The following CACNA2D4 variants were observed in gnomAD, a reference collection of about 807,000 sequenced individuals.
CACNA2D4 encodes the protein calcium voltage-gated channel auxiliary subunit alpha2delta 4, also known as voltage-dependent calcium channel subunit alpha-2/delta-4.
Under a neutral mutation model 163.8 loss-of-function variants are expected in CACNA2D4, and 157 were observed. The observed-to-expected ratio is 0.96, with a 90% confidence interval of 0.84 to 1.09. The LOEUF (loss-of-function observed/expected upper bound fraction) is 1.09. CACNA2D4 is among the 50% of genes least tolerant of loss of function. CACNA2D4 has a pLI of 0.00. For synonymous variants in CACNA2D4, 598 were observed against 586.9 expected, an observed-to-expected ratio of 1.02 and a Z score of -0.27; for missense variants, 1,410 against 1,479.9, an observed-to-expected ratio of 0.95 and a Z score of 0.78.
intron 37 of CACNA2D4, 86 bp downstream of exon 37, chr12:1,795,213 T>C: frequency 8.1e-7 from 1 of 1,234,672 alleles, no homozygotes. Flanking sequence ...CATCCCTATA[T>C]GCTCCTGTCT....
At position 1,907,954 on chromosome 12, in the gene CACNA2D4, C is replaced by G; in HGVS notation, c.570G>C (p.Glu190Asp). 1 of 1,614,068 alleles carries G rather than the reference C, an allele frequency of 6.2e-7. No homozygotes were observed. The highest frequency in any genetic ancestry group is 8.5e-7 in the Non-Finnish European group (1 of 1,179,896). ...GCAGGTTGCTGAAGTGAGCATTGGACTCCAGGAGGAACTCGGCGCCCAGCT... is the reference window on the plus strand; with the variant it reads ...GCAGGTTGCTGAAGTGAGCATTGGAGTCCAGGAGGAACTCGGCGCCCAGCT... Reference protein sequence around the residue: ...FVELGAEFLLESNAHFSNLPV... With the variant: ...FVELGAEFLLDSNAHFSNLPV... The change falls in exon 5 of 38, where the codon GAG becomes GAC. Residue 190 changes from glutamate to aspartate, a missense_variant. Glu to Asp is a conservative substitution (Grantham distance 45, BLOSUM62 2). Coordinates refer to ENST00000382722, the MANE Select transcript of CACNA2D4 (RefSeq NM_172364.5).
chr12:1,828,503 T>C lies in CACNA2D4; in HGVS notation c.2551+12236A>G, dbSNP rs559349626. 6.6e-6 allele frequency among the ~76,000 whole-genome samples: 1 copy of C among 152,206 alleles called. No individual in the cohort carries two copies. Among genetic ancestry groups the C allele is most frequent in the Admixed American group, 6.5e-5 (1 of 15,300 alleles). ...GTAAGTCTCTGTGAGCTTGCTGGGG[T>C]CCCCAACAGGAGAAGAGCTCTGCTG... On this transcript the variant is annotated intron_variant, in intron 26 of 37. Transcript: ENST00000382722. The surrounding 1 kb of genome is among the most constrained non-coding windows in gnomAD (Gnocchi z 4.2).
intron 28 of CACNA2D4, 101 bp from the exon 29 acceptor site, chr12:1,810,441 C>A: frequency 1.3e-6 from 2 of 1,524,314 alleles, no homozygotes; most frequent in East Asian, 4.7e-5. Flanking sequence ...AGCTTCACTG[C>A]AGGGAAGGAG....
At chr12:1,900,932 A>T (rs999767382) in intron 6 of CACNA2D4, among the ~76,000 whole-genome samples, 2 of 152,238 alleles carry the variant, frequency 1.3e-5, no homozygotes, top group Admixed American at 6.5e-5. Flanking sequence ...ATTCTCAAGG[A>T]TAGAGTACAT....
intron 29 of CACNA2D4, among the ~76,000 whole-genome samples, chr12:1,807,620 C>T (rs1199105626): frequency 6.6e-6 from 1 of 152,144 alleles, no homozygotes; most frequent in Non-Finnish European, 1.5e-5. Flanking sequence ...CAGTCTAGCG[C>T]CTGCTGCCTC....
rs1359840794 is a variant in CACNA2D4 at position 1,802,614 on chromosome 12, A to G, written c.2722-970T>C. Reference sequence around the variant, plus strand: ...GCTTTGGTGTTGGATTTCGACTTTAATGTAGGCTGTCTTTAAAAATTGGGG... The same window carrying G: ...GCTTTGGTGTTGGATTTCGACTTTAGTGTAGGCTGTCTTTAAAAATTGGGG... On this transcript the variant is annotated intron_variant, in intron 29 of 37. Coordinates refer to ENST00000382722, the MANE Select transcript of CACNA2D4 (RefSeq NM_172364.5). This position sits in a 1 kb window ranked among gnomAD's most constrained non-coding sequence, Gnocchi z 4.7. Among the ~76,000 whole-genome samples, 1 of 152,166 alleles carries G rather than the reference A, an allele frequency of 6.6e-6. No individual in the cohort carries two copies. The highest frequency in any genetic ancestry group is 1.5e-5 in the Non-Finnish European group (1 of 68,024).
Position 1,907,836 on chromosome 12 carries a change from G to A in CACNA2D4, c.649+39C>T, listed in dbSNP as rs779447051. The A allele has an allele frequency of 5.0e-6, 8 of 1,609,846 alleles. No homozygotes were observed. The South Asian group carries it at 6.6e-5, about 13-fold the overall frequency. ...TGTCTGGTGGGTGTGCTAGGTGGGCGTGCCTGGTGAGTGTGCCTGAGCTGA... is the reference window on the plus strand; with the variant it reads ...TGTCTGGTGGGTGTGCTAGGTGGGCATGCCTGGTGAGTGTGCCTGAGCTGA... On this transcript the variant is annotated intron_variant, in intron 5 of 37. Transcript: ENST00000382722.
At chr12:1,821,474 A>T (rs768837329) in intron 26 of CACNA2D4, among the ~76,000 whole-genome samples, 1 of 152,186 alleles carries the variant, frequency 6.6e-6, no homozygotes, top group Non-Finnish European at 1.5e-5. Flanking sequence ...AGAGAGAAGT[A>T]TCGCAGCCCT....
chr12:1,848,587 G>C (rs1865204910), intron 23 of CACNA2D4, among the ~76,000 whole-genome samples: 1 of 152,142 alleles, frequency 6.6e-6, no homozygotes, highest in South Asian at 2.1e-4. Flanking sequence ...TTATCCTGAA[G>C]TACAACTTTT....
At chr12:1,879,668 A>G (rs755059607) in intron 14 of CACNA2D4, 136 bp downstream of exon 14, 4 of 711,532 alleles carry the variant, frequency 5.6e-6, no homozygotes, top group Non-Finnish European at 1.0e-5. Context: ...ACTCTGGGAC[A>G]GGCCTGGAAA....
In CACNA2D4 at chr12:1,829,174, C is replaced by T. The variant is rs2370056; in HGVS notation, c.2551+11565G>A. 1.3e-5 allele frequency among the ~76,000 whole-genome samples: 2 copies of T among 152,278 alleles called. No individual in the cohort carries two copies. Among genetic ancestry groups the T allele is most frequent in the South Asian group, 2.1e-4 (1 of 4,832 alleles). On this transcript the variant is annotated intron_variant, in intron 26 of 37. Transcript: ENST00000382722. The surrounding 1 kb of genome is among the most constrained non-coding windows in gnomAD (Gnocchi z 4.2). ...CCTTGATCTCCAGGGAGGTGGGGGG[C>T]GCAGGGAGTCGCTCTTCCGCAGCGG...
Position 1,859,610 on chromosome 12 carries a change from CACA to C in CACNA2D4, c.1940+532_1940+534del, listed in dbSNP as rs1382585196. ...TAACTGGATGATATCACTTAATCTT[CACA>C]ACATCACCAAAAAGCAGCAGTTATT... On this transcript the variant is annotated intron_variant, in intron 19 of 37. Coordinates refer to ENST00000382722, the MANE Select transcript of CACNA2D4 (RefSeq NM_172364.5). Among the ~76,000 whole-genome samples the C allele has an allele frequency of 4.6e-5, 7 of 152,224 alleles. No homozygotes were observed. In the South Asian group the frequency reaches 6.2e-4, roughly 14 times the overall value.
intron 18 of CACNA2D4, among the ~76,000 whole-genome samples, chr12:1,871,141 T>A (rs1446481730): frequency 8.1e-6 from 1 of 123,126 alleles, no homozygotes; most frequent in Non-Finnish European, 1.8e-5. Context: ...GTGTTGCTGG[T>A]GTGTGTGTAC....
Position 1,875,125 on chromosome 12 carries a change from C to A in CACNA2D4, c.1806+126G>T. On this transcript the variant is annotated intron_variant, in intron 17 of 37. Transcript: ENST00000382722. This position sits in a 1 kb window ranked among gnomAD's most constrained non-coding sequence, Gnocchi z 4.0. The stretch of plus-strand genomic sequence containing the variant: ...TGCTTGTGGCTTGAGCTTGGAAAGG[C>A]TCTGGGATGAACCTGTTCTGCCTGA... 1.5e-6 allele frequency: 1 copy of A among 689,212 alleles called. No homozygotes were observed. The allele number at this position is 689,212 out of a possible 1,614,324, so 42.7% of individuals were successfully genotyped here.
chr12:1,851,495 G>A (rs1354235827), intron 23 of CACNA2D4, among the ~76,000 whole-genome samples: 1 of 152,140 alleles, frequency 6.6e-6, no homozygotes, highest in Non-Finnish European at 1.5e-5. Context: ...ATTTTCACAT[G>A]CATTTAGATG....
chr12:1,873,296 G>A (rs183990848), intron 18 of CACNA2D4, among the ~76,000 whole-genome samples: 1 of 152,294 alleles, frequency 6.6e-6, no homozygotes. Flanking sequence ...ATATCAGGAA[G>A]CCTTTGCGAA....
Position 1,801,035 on chromosome 12 carries a change from ACACT to A in CACNA2D4, c.2868+4_2868+7del, listed in dbSNP as rs760300917. ...GGCTGGCAGAGGGAAGGGCTGGGTG[ACACT>A]CACGCTGACCAGGGGCTGGGCTGCA... On this transcript the variant is annotated splice_donor_5th_base_variant and intron_variant, in intron 31 of 37. Transcript: ENST00000382722. 28 of 1,612,376 alleles carry A rather than the reference ACACT, an allele frequency of 1.7e-5. No homozygotes were observed. Among genetic ancestry groups the A allele is most frequent in the South Asian group, 1.2e-4 (11 of 91,024 alleles).
At position 1,793,538 on chromosome 12, in the gene CACNA2D4, G is replaced by T; in HGVS notation, c.*117C>A. ...AGGGGCCACCAGCCCAGGATTGAGA[G>T]GAGCGTTGGCCTGGGGGCGACCCAA... On this transcript the variant is annotated 3_prime_UTR_variant, in exon 38 of 38. Coordinates refer to ENST00000382722, the MANE Select transcript of CACNA2D4 (RefSeq NM_172364.5). 2 of 830,604 alleles carry T rather than the reference G, an allele frequency of 2.4e-6. No individual in the cohort carries two copies. The highest frequency in any genetic ancestry group is 4.1e-6 in the Non-Finnish European group (2 of 489,818). The allele number at this position is 830,604 out of a possible 1,614,324, so 51.5% of individuals were successfully genotyped here. A position where few individuals can be genotyped will look rare whatever the true frequency, so the allele number is the denominator to read the frequency against.
In CACNA2D4 at chr12:1,793,746, T is replaced by G. The variant is rs201175802; in HGVS notation, c.3323A>C (p.Asp1108Ala). Residue 1108 changes from aspartate (D) to alanine (A), a missense_variant, in exon 38 of 38, where the codon GAC becomes GCC. Coordinates refer to ENST00000382722, the MANE Select transcript of CACNA2D4 (RefSeq NM_172364.5). ...HAFHPEENAQDCGGASDTSAS... is the reference protein window; with the variant it reads ...HAFHPEENAQACGGASDTSAS... ...TGAGGTGTCCGAGGCGCCGCCGCAG[T>G]CCTGGGCATTCTCCTGCGAACGCAG... 449 of 1,612,988 alleles carry G rather than the reference T, an allele frequency of 2.8e-4. No individual in the cohort carries two copies. Among genetic ancestry groups the G allele is most frequent in the Non-Finnish European group, 3.7e-4 (435 of 1,179,840 alleles).
Sources: allele counts gnomAD v4.1 joint callset (sites outside exome capture counted in the v4.1 genomes callset), GRCh38; gene constraint gnomAD v4.1.1; non-coding constraint Gnocchi (gnomAD v3.1); transcripts MANE v1.5; gene names NCBI Gene and HGNC (gene_info 2026-07-23, HGNC 2026-07-21).